The following ZSWIM5 variants were observed in gnomAD, a reference collection of about 807,000 sequenced individuals.
ZSWIM5 encodes the protein zinc finger SWIM domain-containing protein 5.
ZSWIM5 carries 55 observed loss-of-function variants against 119.6 expected under a neutral mutation model. The observed-to-expected ratio is 0.46, with a 90% CI of 0.37 to 0.58. The LOEUF (loss-of-function observed/expected upper bound fraction) is 0.58. Among genes scored for constraint, ZSWIM5 ranks in the 20% least tolerant of loss-of-function variants. The pLI is 0.00. For missense variants in ZSWIM5, 1,193 were observed against 1,512.8 expected (o/e 0.79, Z 3.51); for synonymous variants, 537 against 606.9 (o/e 0.88, Z 1.69).
chr1:45,175,341 T>C (rs942877440), intron 1 of ZSWIM5, among the ~76,000 whole-genome samples: 16 of 152,172 alleles, frequency 1.1e-4, no homozygotes, highest in African/African-American at 3.9e-4. Context: ...AGTGTTTGCC[T>C]GGATTCCTCA....
chr1:45,026,432 G>A (rs1017115195), intron 11 of ZSWIM5, among the ~76,000 whole-genome samples: 2 of 151,948 alleles, frequency 1.3e-5, no homozygotes, highest in African/African-American at 4.8e-5. Context: ...AATTATGAAT[G>A]GGTGTCAGTT....
intron 1 of ZSWIM5, among the ~76,000 whole-genome samples, chr1:45,170,479 C>CG (rs1645939787): frequency 1.3e-5 from 2 of 149,960 alleles, no homozygotes; most frequent in African/African-American, 4.9e-5. Flanking sequence ...AGGTGGAGTG[C>CG]GGTGGCAGGA....
chr1:45,141,386 C>A (rs74890335), intron 1 of ZSWIM5, among the ~76,000 whole-genome samples: 11,014 of 152,218 alleles, frequency 0.072, 492 homozygotes, highest in Non-Finnish European at 0.1. Flanking sequence ...CTAGGGAGAT[C>A]ACAGAGATGA....
intron 1 of ZSWIM5, among the ~76,000 whole-genome samples, chr1:45,177,421 T>C (rs1412095388): frequency 6.6e-6 from 1 of 152,130 alleles, no homozygotes; most frequent in Non-Finnish European, 1.5e-5. Context: ...GTTTGCAGGT[T>C]ATACAGAGTG....
At chr1:45,053,526 C>G (rs532559274) in intron 4 of ZSWIM5, among the ~76,000 whole-genome samples, 1 of 151,914 alleles carries the variant, frequency 6.6e-6, no homozygotes, top group Admixed American at 6.6e-5. Flanking sequence ...CTTTGGGAGG[C>G]GGAGGCAGGT....
rs536235665 is a variant in ZSWIM5, at chr1:45,019,075, G to T, written c.2937C>A (p.Ala979=). ...ALTLCEKDHI[A]FEAAYQIAID... ...TGGCAATCTGGTAGGCTGCCTCAAA[G>T]GCAATGTGGTCTTTCTCACAGAGTG... The change falls in exon 14 of 14, where the codon GCC becomes GCA. Residue 979 remains alanine, a synonymous_variant. Coordinates refer to ENST00000359600, the MANE Select transcript of ZSWIM5 (RefSeq NM_020883.2). The surrounding 1 kb of genome is among the most constrained non-coding windows in gnomAD (Gnocchi z 5.0). 6.2e-7 allele frequency: 1 copy of T among 1,614,106 alleles called. No homozygotes were observed. Among genetic ancestry groups the T allele is most frequent in the African/African-American group, 1.3e-5 (1 of 74,920 alleles).
chr1:45,089,321 G>C (rs756191706), intron 1 of ZSWIM5, among the ~76,000 whole-genome samples: 1 of 152,124 alleles, frequency 6.6e-6, no homozygotes, highest in African/African-American at 2.4e-5. Flanking sequence ...TTTGAAAAGA[G>C]TATGTATTCA....
intron 1 of ZSWIM5, among the ~76,000 whole-genome samples, chr1:45,133,096 C>A (rs564247107): frequency 4.6e-5 from 7 of 152,240 alleles, no homozygotes; most frequent in African/African-American, 9.6e-5. Context: ...GTCTTTATAG[C>A]AGCATGATTT....
chr1:45,130,243 C>T (rs557033035), intron 1 of ZSWIM5, among the ~76,000 whole-genome samples: 9 of 152,262 alleles, frequency 5.9e-5, no homozygotes, highest in African/African-American at 2.2e-4. Context: ...AAATTACAAA[C>T]TCTTGCTCTA....
chr1:45,156,732 A>G (rs1645829067), intron 1 of ZSWIM5, among the ~76,000 whole-genome samples: 1 of 151,852 alleles, frequency 6.6e-6, no homozygotes, highest in Non-Finnish European at 1.5e-5. Context: ...AAAAAAAAAA[A>G]AAAAAAGAAC....
intron 1 of ZSWIM5, among the ~76,000 whole-genome samples, chr1:45,178,475 G>A (rs1645994649): frequency 6.6e-6 from 1 of 152,102 alleles, no homozygotes. Flanking sequence ...TGTTTGGGTG[G>A]TCAGATTCTA....
Position 45,206,487 on chromosome 1 carries a change from G to C in ZSWIM5, c.-137C>G, listed in dbSNP as rs1646193217. On this transcript the variant is annotated 5_prime_UTR_variant, in exon 1 of 14. Transcript: ENST00000359600. ...GCGGGGCGAGAGAACCCGCGAGCCA[G>C]CCGGCCCGAGTGGGGAACCGCGGCC... 1 of 1,165,200 alleles carries C rather than the reference G, an allele frequency of 8.6e-7. No homozygotes were observed. Among genetic ancestry groups the C allele is most frequent in the Admixed American group, 4.7e-5 (1 of 21,444 alleles). The allele number at this position is 1,165,200 out of a possible 1,614,324, so 72.2% of individuals were successfully genotyped here.
At chr1:45,044,655 C>A (rs868490673) in intron 5 of ZSWIM5, among the ~76,000 whole-genome samples, 1 of 114,644 alleles carries the variant, frequency 8.7e-6, no homozygotes, top group Non-Finnish European at 1.8e-5. Flanking sequence ...ACCCGGAAGG[C>A]GGAGCTTGCA....
intron 1 of ZSWIM5, among the ~76,000 whole-genome samples, chr1:45,142,157 G>A (rs1645731324): frequency 6.6e-6 from 1 of 151,042 alleles, no homozygotes; most frequent in African/African-American, 2.4e-5. Context: ...GCTGCAGTGA[G>A]CCGAGATCAC....
chr1:45,082,641 G>A (rs1645300537), intron 2 of ZSWIM5, among the ~76,000 whole-genome samples: 1 of 152,194 alleles, frequency 6.6e-6, no homozygotes. Flanking sequence ...GAAAGAGCCT[G>A]TAGAATACTA....
chr1:45,099,926 C>A (rs1645428183), intron 1 of ZSWIM5, among the ~76,000 whole-genome samples: 1 of 152,140 alleles, frequency 6.6e-6, no homozygotes, highest in Non-Finnish European at 1.5e-5. Flanking sequence ...TTATGACAAA[C>A]CCACAGCCAA....
intron 6 of ZSWIM5, among the ~76,000 whole-genome samples, chr1:45,041,780 C>T (rs1645019749): frequency 6.6e-6 from 1 of 152,160 alleles, no homozygotes; most frequent in African/African-American, 2.4e-5. Flanking sequence ...TCAGGTGATC[C>T]ACCCACCTCA....
intron 1 of ZSWIM5, among the ~76,000 whole-genome samples, chr1:45,193,938 G>GTGTGTATATATATATATATATATATATA (rs766920512): frequency 1.2e-4 from 18 of 146,268 alleles, no homozygotes; most frequent in African/African-American, 4.5e-4. Flanking sequence ...GTGCATATGT[G>GTGTGTATATATATATATATATATATATA]TATATATATA....
rs112007138 is a variant in ZSWIM5 at position 45,193,776 on chromosome 1, C to T, written c.595+11980G>A. Among the ~76,000 whole-genome samples the T allele has an allele frequency of 7.4e-3, 1,122 of 152,074 alleles. 13 individuals carry two copies. Among genetic ancestry groups the T allele is most frequent in the African/African-American group, 0.026 (1,076 of 41,484 alleles). On this transcript the variant is annotated intron_variant, in intron 1 of 13. Transcript: ENST00000359600. ...ACATAGCACTTAATATGTGTTCAGC[C>T]TCATTCTAAGTGCTTTACATATTAA... is the stretch of plus-strand genomic sequence containing the variant.
Sources: gnomAD v4.1 joint callset for allele counts (sites outside exome capture counted in the v4.1 genomes callset) on GRCh38, gnomAD v4.1.1 for gene constraint, Gnocchi (gnomAD v3.1) non-coding constraint, MANE v1.5 for transcripts, NCBI Gene and HGNC (gene_info 2026-07-23, HGNC 2026-07-21) for gene names.